Variants in GRID2 observed in about 807,000 individuals in gnomAD.
The protein encoded by GRID2 is glutamate receptor ionotropic, delta-2.
A neutral mutation model predicts 114.8 loss-of-function variants in GRID2; 33 were observed. That is an observed-to-expected ratio of 0.29 (90% confidence interval 0.22 to 0.38). The LOEUF is 0.38. Ranked by LOEUF, GRID2 falls within the 10% of genes least tolerant of loss-of-function variation. The pLI is 1.00. For missense variants in GRID2, 1,184 were observed against 1,257.7 expected, an observed-to-expected ratio of 0.94 and a Z score of 0.89; for synonymous variants, 505 against 449.9, an observed-to-expected ratio of 1.12 and a Z score of -1.55.
At chr4:92,970,958 GTATA>G (rs1381115511) in intron 2 of GRID2, among the ~76,000 whole-genome samples, 1 of 151,340 alleles carries the variant, frequency 6.6e-6, no homozygotes, top group Non-Finnish European at 1.5e-5. Context: ...GCATATATAT[GTATA>G]TATACATCGT....
intron 1 of GRID2, 81 bp from the exon 2 acceptor site, chr4:92,590,050 A>T (rs185949624): frequency 1.1e-6 from 1 of 937,524 alleles, no homozygotes; most frequent in East Asian, 2.4e-5. Flanking sequence ...TTTTAAACAC[A>T]TAAGTCTCCT....
intron 2 of GRID2, among the ~76,000 whole-genome samples, chr4:92,669,112 G>T (rs1390568369): frequency 6.6e-6 from 1 of 151,678 alleles, no homozygotes; most frequent in Non-Finnish European, 1.5e-5. Flanking sequence ...CTTTGAAAAA[G>T]TCATTGAAAA....
chr4:93,618,046 T>C (rs1441089267), intron 13 of GRID2, among the ~76,000 whole-genome samples: 1 of 152,216 alleles, frequency 6.6e-6, no homozygotes, highest in Non-Finnish European at 1.5e-5. Flanking sequence ...AGTTTACTCA[T>C]GACATGGGGC....
chr4:92,835,822 C>G (rs183787401), intron 2 of GRID2, among the ~76,000 whole-genome samples: 1 of 152,122 alleles, frequency 6.6e-6, no homozygotes, highest in African/African-American at 2.4e-5. Context: ...CTCCACACTT[C>G]GTATTGTCTT....
At chr4:93,633,576 T>G (rs1721141937) in intron 14 of GRID2, among the ~76,000 whole-genome samples, 1 of 152,132 alleles carries the variant, frequency 6.6e-6, no homozygotes, top group Non-Finnish European at 1.5e-5. Flanking sequence ...CCCATTTACT[T>G]ACAGCCAGAT....
At position 92,815,951 on chromosome 4, in the gene GRID2, A is replaced by G. The variant is rs147347313; in HGVS notation, c.244+225665A>G. Among the ~76,000 whole-genome samples, 3 of 147,206 alleles carry G rather than the reference A, an allele frequency of 2.0e-5. No homozygotes were observed. In the East Asian group the frequency reaches 5.9e-4, roughly 29 times the overall value. On this transcript the variant is annotated intron_variant, in intron 2 of 15. Transcript: ENST00000282020. ...AAAAAAAAAAAAAGGAAAGAAAAAA[A>G]CAAAAAGCCAAAAAAAAACCAACCA...
intron 9 of GRID2, among the ~76,000 whole-genome samples, chr4:93,418,987 A>G (rs1767992316): frequency 6.7e-6 from 1 of 150,318 alleles, no homozygotes; most frequent in Admixed American, 6.6e-5. Flanking sequence ...TCTGTAACAT[A>G]TTGTGTGACT....
chr4:93,372,321 T>C (rs748263331), intron 8 of GRID2, among the ~76,000 whole-genome samples: 1 of 152,182 alleles, frequency 6.6e-6, no homozygotes, highest in Non-Finnish European at 1.5e-5. Context: ...GAGAGGACTT[T>C]CCAGGAAAAT....
chr4:93,485,669 G>A (rs1166202340), intron 11 of GRID2, among the ~76,000 whole-genome samples: 3 of 151,484 alleles, frequency 2.0e-5, no homozygotes, highest in Non-Finnish European at 4.4e-5. Flanking sequence ...GTGCCAGCTG[G>A]GTATAAATCA....
chr4:92,496,041 T>G (rs1723374358), intron 1 of GRID2, among the ~76,000 whole-genome samples: 1 of 151,892 alleles, frequency 6.6e-6, no homozygotes. Context: ...AAACTACTAT[T>G]CCTTTAGCAA....
At chr4:92,754,324 C>T (rs191783367) in intron 2 of GRID2, among the ~76,000 whole-genome samples, 14 of 152,124 alleles carry the variant, frequency 9.2e-5, no homozygotes, top group Non-Finnish European at 1.9e-4. Flanking sequence ...CCAAAAAGCT[C>T]GTGAAATCTG....
intron 13 of GRID2, among the ~76,000 whole-genome samples, chr4:93,523,797 G>C (rs1730569126): frequency 1.3e-5 from 2 of 152,240 alleles, no homozygotes; most frequent in Non-Finnish European, 2.9e-5. Flanking sequence ...GTGAGGCTGG[G>C]AAAGATAGCA....
intron 2 of GRID2, among the ~76,000 whole-genome samples, chr4:93,038,708 G>A (rs945807438): frequency 4.5e-4 from 68 of 152,044 alleles, no homozygotes; most frequent in African/African-American, 1.3e-3. Context: ...GGAGAATGGC[G>A]TGAACCCAGG....
chr4:93,482,528 G>A (rs970645603), intron 11 of GRID2, among the ~76,000 whole-genome samples: 4 of 151,774 alleles, frequency 2.6e-5, no homozygotes, highest in African/African-American at 7.3e-5. Context: ...ACAGCGGGGC[G>A]TGTCGAGGGT....
intron 8 of GRID2, among the ~76,000 whole-genome samples, chr4:93,312,132 G>C (rs1238993234): frequency 6.6e-6 from 1 of 151,918 alleles, no homozygotes; most frequent in Non-Finnish European, 1.5e-5. Context: ...TGTGTCTATT[G>C]ATTCTTTCAT....
intron 12 of GRID2, among the ~76,000 whole-genome samples, chr4:93,513,163 T>C (rs1289217072): frequency 6.6e-6 from 1 of 152,194 alleles, no homozygotes; most frequent in Non-Finnish European, 1.5e-5. Context: ...ACTATAGACC[T>C]GCAGGTTCTA....
At chr4:93,431,263 G>A (rs1430618466) in intron 10 of GRID2, among the ~76,000 whole-genome samples, 1 of 152,110 alleles carries the variant, frequency 6.6e-6, no homozygotes, top group African/African-American at 2.4e-5. Flanking sequence ...AAGTGCCATA[G>A]GAGGTATACA....
chr4:93,281,769 A>G (rs1752673924), intron 8 of GRID2, among the ~76,000 whole-genome samples: 4 of 152,032 alleles, frequency 2.6e-5, no homozygotes, highest in South Asian at 2.1e-4. Flanking sequence ...CAAAACTTTG[A>G]CCATATATAG....
chr4:93,140,812 C>T (rs1417345274), intron 4 of GRID2, among the ~76,000 whole-genome samples: 1 of 152,128 alleles, frequency 6.6e-6, no homozygotes, highest in Non-Finnish European at 1.5e-5. Flanking sequence ...GCTCTAGGTT[C>T]CCAGAATACA....
Sources: allele counts gnomAD v4.1 joint callset (sites outside exome capture counted in the v4.1 genomes callset), GRCh38; gene constraint gnomAD v4.1.1; transcripts MANE v1.5; gene names NCBI Gene and HGNC (gene_info 2026-07-23, HGNC 2026-07-21).